The following GSK3B variants were observed in gnomAD, a reference collection of about 807,000 sequenced individuals.
GSK3B encodes the protein glycogen synthase kinase-3 beta.
Under a neutral mutation model 56.4 loss-of-function variants are expected in GSK3B, and 15 were observed. The observed-to-expected ratio is 0.27, with a 90% CI of 0.18 to 0.41. The LOEUF (loss-of-function observed/expected upper bound fraction) is 0.41. Among genes scored for constraint, GSK3B ranks in the 10% least tolerant of loss-of-function variants. The pLI, the probability that GSK3B is intolerant of heterozygous loss-of-function variation, is 1.00. For missense variants in GSK3B, 300 were observed against 513.4 expected, an observed-to-expected ratio of 0.58 and a Z score of 4.02; for synonymous variants, 181 against 188.9, an observed-to-expected ratio of 0.96 and a Z score of 0.34.
In GSK3B at chr3:119,826,719, G is replaced by T; in HGVS notation, c.*69C>A. On this transcript the variant is annotated 3_prime_UTR_variant, in exon 11 of 11. Transcript: ENST00000264235. The stretch of plus-strand genomic sequence containing the variant: ...TCTTTTTAATATTCTTTCCAAACGT[G>T]ACCAGTGTTGCTGAGTGACACTCAA... 1.1e-6 allele frequency: 1 copy of T among 928,830 alleles called. No individual in the cohort carries two copies. Among genetic ancestry groups the T allele is most frequent in the South Asian group, 1.3e-5 (1 of 77,346 alleles). The allele number at this position is 928,830 out of a possible 1,614,324, so 57.5% of individuals were successfully genotyped here.
At chr3:120,024,830 T>C (rs1433570923) in intron 1 of GSK3B, among the ~76,000 whole-genome samples, 3 of 151,468 alleles carry the variant, frequency 2.0e-5, no homozygotes, top group Non-Finnish European at 4.4e-5. Flanking sequence ...AGCAATGGAG[T>C]GGGAAGCGAT....
chr3:119,829,568 A>G (rs1431365573), intron 10 of GSK3B, among the ~76,000 whole-genome samples: 3 of 152,236 alleles, frequency 2.0e-5, no homozygotes, highest in African/African-American at 7.2e-5. Flanking sequence ...TACCTCATCT[A>G]CATGGCCACC....
intron 2 of GSK3B, among the ~76,000 whole-genome samples, chr3:119,947,769 T>G (rs1232786999): frequency 2.0e-5 from 3 of 151,474 alleles, no homozygotes; most frequent in Non-Finnish European, 4.4e-5. Context: ...TTGACCTTAT[T>G]GTTTTCTAAG....
intron 1 of GSK3B, among the ~76,000 whole-genome samples, chr3:120,017,955 C>T (rs574692082): frequency 6.6e-6 from 1 of 152,342 alleles, no homozygotes; most frequent in African/African-American, 2.4e-5. Context: ...ACCCTGCAAT[C>T]ACCCTCTTAA....
chr3:119,995,767 T>C (rs768642112), intron 2 of GSK3B, among the ~76,000 whole-genome samples: 9 of 139,446 alleles, frequency 6.5e-5, no homozygotes, highest in Non-Finnish European at 1.1e-4. Context: ...AGACAGAGTC[T>C]CACTCTGTCC....
At chr3:120,086,194 G>T (rs1444515666) in intron 1 of GSK3B, among the ~76,000 whole-genome samples, 1 of 148,548 alleles carries the variant, frequency 6.7e-6, no homozygotes, top group African/African-American at 2.5e-5. Context: ...ATACTAAGGA[G>T]GAAAAAAAAA....
At chr3:120,047,059 C>T (rs891416839) in intron 1 of GSK3B, among the ~76,000 whole-genome samples, 1 of 152,202 alleles carries the variant, frequency 6.6e-6, no homozygotes, top group East Asian at 1.9e-4. Context: ...TTCTTTTCTA[C>T]ATGAACCTAA....
chr3:120,047,976 A>G (rs1387785819), intron 1 of GSK3B, among the ~76,000 whole-genome samples: 1 of 152,218 alleles, frequency 6.6e-6, no homozygotes, highest in African/African-American at 2.4e-5. Context: ...TAGAATATCA[A>G]TGCTGTCCAG....
chr3:119,914,970 A>C (rs926309086), intron 5 of GSK3B, among the ~76,000 whole-genome samples: 1 of 152,086 alleles, frequency 6.6e-6, no homozygotes, highest in Non-Finnish European at 1.5e-5. Flanking sequence ...GAGAATCCAA[A>C]TTATGTAAAG....
At chr3:119,928,769 A>G (rs889137254) in intron 3 of GSK3B, among the ~76,000 whole-genome samples, 1 of 152,110 alleles carries the variant, frequency 6.6e-6, no homozygotes, top group South Asian at 2.1e-4. Flanking sequence ...AGAAGTCCCA[A>G]TTCTGTTACT....
chr3:120,042,138 G>C (rs1211944104), intron 1 of GSK3B, among the ~76,000 whole-genome samples: 2 of 152,174 alleles, frequency 1.3e-5, no homozygotes, highest in African/African-American at 4.8e-5. Flanking sequence ...TCTTTTAAGA[G>C]TCAGGAAAAT....
intron 8 of GSK3B, among the ~76,000 whole-genome samples, chr3:119,875,793 A>G (rs1311784920): frequency 6.6e-6 from 1 of 152,162 alleles, no homozygotes; most frequent in Non-Finnish European, 1.5e-5. Context: ...AGGAAAAAAA[A>G]AAGTTCCCTG....
At chr3:119,955,076 A>C (rs910118400) in intron 2 of GSK3B, among the ~76,000 whole-genome samples, 1 of 152,186 alleles carries the variant, frequency 6.6e-6, no homozygotes, top group African/African-American at 2.4e-5. Context: ...GTTTTGCTTA[A>C]AGAATATTTT....
intron 7 of GSK3B, among the ~76,000 whole-genome samples, chr3:119,884,496 T>C (rs2056413374): frequency 6.6e-6 from 1 of 152,156 alleles, no homozygotes; most frequent in African/African-American, 2.4e-5. Flanking sequence ...ATTTTACAGA[T>C]ACAATATTAT....
chr3:119,989,800 C>T (rs1210310715), intron 2 of GSK3B, among the ~76,000 whole-genome samples: 1 of 152,104 alleles, frequency 6.6e-6, no homozygotes, highest in African/African-American at 2.4e-5. Context: ...GCCCAATTAA[C>T]CTTTTTCAAA....
intron 1 of GSK3B, among the ~76,000 whole-genome samples, chr3:120,074,115 G>A (rs1480258379): frequency 6.6e-6 from 1 of 151,990 alleles, no homozygotes; most frequent in Admixed American, 6.6e-5. Flanking sequence ...GACCAGCTTG[G>A]GCAACATGGT....
At chr3:120,027,478 G>A (rs1411460006) in intron 1 of GSK3B, among the ~76,000 whole-genome samples, 1 of 151,660 alleles carries the variant, frequency 6.6e-6, no homozygotes, top group African/African-American at 2.4e-5. Flanking sequence ...AAAAGAAACT[G>A]GAAGAAAATA....
Position 120,027,379 on chromosome 3 carries a change from G to GAA in GSK3B, c.89-25142_89-25141dup, listed in dbSNP as rs199837392. Reference sequence around the variant, plus strand: ...GTGACTGAGCGAGACTCTGTCTCAGGAAAAAAAAAAAAAAAGCAGAGCAAC... The same window carrying GAA: ...GTGACTGAGCGAGACTCTGTCTCAGGAAAAAAAAAAAAAAAAAGCAGAGCAAC... On this transcript the variant is annotated intron_variant, in intron 1 of 10. Transcript: ENST00000264235. 7.9e-3 allele frequency among the ~76,000 whole-genome samples: 887 copies of GAA among 112,446 alleles called. 10 individuals are homozygous for GAA. The highest frequency in any genetic ancestry group is 0.024 in the African/African-American group (742 of 30,522). 73.8% of individuals were successfully genotyped at this position (112,446 alleles called of 152,430 possible).
rs574832641 is a variant in GSK3B at position 120,014,093 on chromosome 3, C to T, written c.89-11854G>A. 3.6e-4 allele frequency among the ~76,000 whole-genome samples: 54 copies of T among 149,266 alleles called. 1 individual carries two copies. The highest frequency in any genetic ancestry group is 2.7e-4 in the Admixed American group (4 of 15,056). ...GAGGTTGCAGTGAGCCAAGATCATGCCACTGCACTCCAGCCTGGGAGACAG... is the reference window on the plus strand; with the variant it reads ...GAGGTTGCAGTGAGCCAAGATCATGTCACTGCACTCCAGCCTGGGAGACAG... On this transcript the variant is annotated intron_variant, in intron 1 of 10. Transcript: ENST00000264235.
Sources: allele counts gnomAD v4.1 joint callset (sites outside exome capture counted in the v4.1 genomes callset), GRCh38; gene constraint gnomAD v4.1.1; transcripts MANE v1.5; gene names NCBI Gene and HGNC (gene_info 2026-07-23, HGNC 2026-07-21).